The following ZSWIM5 variants were observed in gnomAD, a reference collection of about 807,000 sequenced individuals.
The protein encoded by ZSWIM5 is zinc finger SWIM-type containing 5.
ZSWIM5 carries 55 observed loss-of-function variants against 119.6 expected under a neutral mutation model. The observed-to-expected ratio is 0.46, with a 90% CI of 0.37 to 0.58. ZSWIM5 has a LOEUF of 0.58. ZSWIM5 is among the 20% of genes least tolerant of loss of function. ZSWIM5 has a pLI of 0.00. For synonymous variants in ZSWIM5, 537 were observed against 606.9 expected (o/e 0.88, Z 1.69); for missense variants, 1,193 against 1,512.8 (o/e 0.79, Z 3.51).
intron 1 of ZSWIM5, among the ~76,000 whole-genome samples, chr1:45,097,094 T>C (rs1645407974): frequency 6.6e-6 from 1 of 152,194 alleles, no homozygotes; most frequent in Non-Finnish European, 1.5e-5. Flanking sequence ...ACAAGATCAG[T>C]AAGAAACTTA....
intron 11 of ZSWIM5, among the ~76,000 whole-genome samples, chr1:45,028,834 G>T (rs1284987227): frequency 1.3e-5 from 2 of 152,116 alleles, no homozygotes; most frequent in Admixed American, 1.3e-4. Context: ...TGTAATCCCA[G>T]CATTTTGGGA....
chr1:45,091,698 C>A (rs561332852), intron 1 of ZSWIM5, among the ~76,000 whole-genome samples: 11 of 151,846 alleles, frequency 7.2e-5, no homozygotes, highest in East Asian at 5.8e-4. Context: ...AACCAACCAA[C>A]CAAACAAACA....
At chr1:45,128,815 A>G (rs1203105252) in intron 1 of ZSWIM5, among the ~76,000 whole-genome samples, 1 of 152,128 alleles carries the variant, frequency 6.6e-6, no homozygotes, top group African/African-American at 2.4e-5. Flanking sequence ...ACCTCTGGCA[A>G]CCACTAGGTT....
At chr1:45,073,249 ATTTTTTTTTTTT>A (rs58448888) in intron 2 of ZSWIM5, among the ~76,000 whole-genome samples, 1 of 56,052 alleles carries the variant, frequency 1.8e-5, no homozygotes, top group Non-Finnish European at 3.1e-5. Flanking sequence ...TTGCTACTGA[ATTTTTTTTTTTT>A]TTTTTTTTTT....
At chr1:45,077,188 G>A (rs974032710) in intron 2 of ZSWIM5, among the ~76,000 whole-genome samples, 2 of 152,152 alleles carry the variant, frequency 1.3e-5, no homozygotes, top group Non-Finnish European at 2.9e-5. Flanking sequence ...GCATTGAAGA[G>A]TTAGGTATTT....
rs866563785 is a variant in ZSWIM5, at chr1:45,045,323, G to A, written c.1433-1928C>T. Among the ~76,000 whole-genome samples the A allele has an allele frequency of 1.1e-4, 17 of 152,260 alleles. 1 individual carries two copies. In the Middle Eastern group the frequency reaches 0.02, roughly 183 times the overall value. ...GGATCAAGAACTGAAGTATTATACT[G>A]TACGGACATTTCCAGAGATGCCCAA... On this transcript the variant is annotated intron_variant, in intron 5 of 13. Coordinates refer to ENST00000359600, the MANE Select transcript of ZSWIM5 (RefSeq NM_020883.2).
chr1:45,204,006 T>C (rs1287817370), intron 1 of ZSWIM5, among the ~76,000 whole-genome samples: 2 of 152,222 alleles, frequency 1.3e-5, no homozygotes, highest in Middle Eastern at 3.4e-3. Flanking sequence ...AGCCTATAAC[T>C]CCAGAACCAC....
intron 6 of ZSWIM5, among the ~76,000 whole-genome samples, chr1:45,041,555 T>TTA (rs397813869): frequency 6.6e-6 from 1 of 151,488 alleles, no homozygotes; most frequent in East Asian, 1.9e-4. Context: ...TTTTTTTTTT[T>TTA]AGATGGAGTC....
chr1:45,178,120 T>C (rs1645991883), intron 1 of ZSWIM5, among the ~76,000 whole-genome samples: 1 of 152,000 alleles, frequency 6.6e-6, no homozygotes, highest in Admixed American at 6.6e-5. Context: ...AAGGGACAAC[T>C]GTATCTTCAA....
At chr1:45,044,588 G>A (rs1411054918) in intron 5 of ZSWIM5, among the ~76,000 whole-genome samples, 2 of 146,028 alleles carry the variant, frequency 1.4e-5, no homozygotes, top group East Asian at 4.1e-4. Flanking sequence ...GCCGGGCATG[G>A]TGGCGGGCGC....
chr1:45,114,650 T>A (rs1235127039), intron 1 of ZSWIM5, among the ~76,000 whole-genome samples: 15 of 152,144 alleles, frequency 9.9e-5, no homozygotes, highest in Non-Finnish European at 2.9e-5. Context: ...TATCTTTTTT[T>A]TTTTTTTTTA....
chr1:45,168,861 G>A (rs1443100559), intron 1 of ZSWIM5, among the ~76,000 whole-genome samples: 1 of 151,906 alleles, frequency 6.6e-6, no homozygotes, highest in Admixed American at 6.6e-5. Flanking sequence ...CAGAGGAAAG[G>A]ACATCTAGGT....
chr1:45,144,049 G>A (rs889339421), intron 1 of ZSWIM5, among the ~76,000 whole-genome samples: 3 of 152,108 alleles, frequency 2.0e-5, no homozygotes, highest in African/African-American at 7.2e-5. Context: ...ACTCAATATA[G>A]TGAAGATTTC....
rs1406185831 is a variant in ZSWIM5, at chr1:45,019,380, A to C, written c.2696-64T>G. On this transcript the variant is annotated intron_variant, in intron 13 of 13. Coordinates refer to ENST00000359600, the MANE Select transcript of ZSWIM5 (RefSeq NM_020883.2). This position sits in a 1 kb window ranked among gnomAD's most constrained non-coding sequence, Gnocchi z 5.0. ...GTCCTGATTCAGGTCTACCCAGATT[A>C]CCATTTGGGGTTTGAACTTGGCCTG... 10 of 1,542,514 alleles carry C rather than the reference A, an allele frequency of 6.5e-6. No individual in the cohort carries two copies. The highest frequency in any genetic ancestry group is 8.7e-6 in the Non-Finnish European group (10 of 1,148,998).
intron 1 of ZSWIM5, among the ~76,000 whole-genome samples, chr1:45,162,904 T>C (rs538780633): frequency 2.8e-4 from 43 of 152,296 alleles, no homozygotes; most frequent in African/African-American, 9.1e-4. Context: ...CAGGGCATAG[T>C]TGAACAAAAG....
chr1:45,095,116 G>A (rs1645392278), intron 1 of ZSWIM5, among the ~76,000 whole-genome samples: 1 of 148,956 alleles, frequency 6.7e-6, no homozygotes, highest in African/African-American at 2.5e-5. Flanking sequence ...TCAGTGTTCA[G>A]ATTTCCATAA....
chr1:45,099,523 C>T (rs572518054), intron 1 of ZSWIM5, among the ~76,000 whole-genome samples: 1 of 152,144 alleles, frequency 6.6e-6, no homozygotes, highest in African/African-American at 2.4e-5. Flanking sequence ...AAGAGAAAAA[C>T]AGGGAATCCT....
At chr1:45,174,404 T>C (rs1017183298) in intron 1 of ZSWIM5, among the ~76,000 whole-genome samples, 1 of 151,852 alleles carries the variant, frequency 6.6e-6, no homozygotes, top group African/African-American at 2.4e-5. Context: ...AAATAGGTAA[T>C]TGGAGGAGTA....
At chr1:45,090,164 G>A (rs238249) in intron 1 of ZSWIM5, among the ~76,000 whole-genome samples, 50,602 of 151,958 alleles carry the variant, frequency 0.33, 9,630 homozygotes, top group African/African-American at 0.53. Context: ...TTACAAGTAC[G>A]CTCATAAAAC....
Sources: gnomAD v4.1 joint callset for allele counts (sites outside exome capture counted in the v4.1 genomes callset) on GRCh38, gnomAD v4.1.1 for gene constraint, Gnocchi (gnomAD v3.1) non-coding constraint, MANE v1.5 for transcripts, NCBI Gene and HGNC (gene_info 2026-07-23, HGNC 2026-07-21) for gene names.